Variants in HERC2 observed in about 807,000 individuals in gnomAD.
The protein encoded by HERC2 is HECT and RLD domain containing E3 ubiquitin protein ligase 2.
HERC2 carries 102 observed loss-of-function variants against 537.7 expected under a neutral mutation model. That is an observed-to-expected ratio of 0.19 (90% CI 0.16 to 0.22). The LOEUF is 0.22. Ranked by LOEUF, HERC2 falls within the 10% of genes least tolerant of loss-of-function variation. HERC2 has a pLI of 1.00. For missense variants in HERC2, 4,236 were observed against 6,198.2 expected (o/e 0.68, Z 10.63); for synonymous variants, 2,224 against 2,466.2 (o/e 0.90, Z 2.91).
At position 28,268,616 on chromosome 15, in the gene HERC2, C is replaced by T. The variant is rs1468443172; in HGVS notation, c.1447G>A (p.Ala483Thr). 1 of 1,612,822 alleles carries T rather than the reference C, an allele frequency of 6.2e-7. No homozygotes were observed. The highest frequency in any genetic ancestry group is 1.3e-5 in the African/African-American group (1 of 74,828). Reference protein sequence around the residue: ...YTQAYNSDTLAPQLVQGLASR... With the variant: ...YTQAYNSDTLTPQLVQGLASR... ...GCAAGGCCTTGGACCAGCTGTGGGG[C>T]CTAAAGAAGGAAAAATACGAAGAAA... Residue 483 changes from alanine to threonine, a missense_variant and splice_region_variant, in exon 12 of 93, where the codon GCC becomes ACC. This residue lies in a region of HERC2 where 491 missense variants were observed against 559.3 expected (regional missense o/e 0.88). Coordinates refer to ENST00000261609, the MANE Select transcript of HERC2 (RefSeq NM_004667.6). The surrounding 1 kb of genome is among the most constrained non-coding windows in gnomAD (Gnocchi z 4.7).
At chr15:28,255,509 T>A (rs2075229944) in intron 19 of HERC2, among the ~76,000 whole-genome samples, 1 of 152,068 alleles carries the variant, frequency 6.6e-6, no homozygotes, top group African/African-American at 2.4e-5. Context: ...AAAGAGTGCA[T>A]ACTATATAGT....
chr15:28,261,193 A>AT (rs2075405718), intron 15 of HERC2, among the ~76,000 whole-genome samples: 1 of 152,204 alleles, frequency 6.6e-6, no homozygotes, highest in African/African-American at 2.4e-5. Flanking sequence ...TACAAAGATC[A>AT]TAATACTAGG....
rs1329149117 is a variant in HERC2, at chr15:28,248,675, G to C, written c.3112C>G (p.Leu1038Val). ...KDVARRISSC[L>V]DFEQHSRERS... is the part of the protein sequence containing the mutation. ...TCACGACTGTGTTGCTCAAAGTCCAGACATGATGAAATCCGACGGGCAACA... is the reference window on the plus strand; with the variant it reads ...TCACGACTGTGTTGCTCAAAGTCCACACATGATGAAATCCGACGGGCAACA... The change falls in exon 21 of 93, where the codon CTG becomes GTG. Residue 1038 changes from leucine (L) to valine (V), a missense_variant. By Grantham distance (32) the Leu-to-Val change is conservative (BLOSUM62 1). Coordinates refer to ENST00000261609, the MANE Select transcript of HERC2 (RefSeq NM_004667.6). 3.7e-6 allele frequency: 6 copies of C among 1,613,896 alleles called. No homozygotes were observed. The highest frequency in any genetic ancestry group is 5.1e-6 in the Non-Finnish European group (6 of 1,179,884).
chr15:28,300,596 TA>T (rs1447011625), intron 2 of HERC2, among the ~76,000 whole-genome samples: 1 of 149,984 alleles, frequency 6.7e-6, no homozygotes, highest in Non-Finnish European at 1.5e-5. Context: ...CCAAGGCAGG[TA>T]AATCACTTGA....
Position 28,124,202 on chromosome 15 carries a change from G to A in HERC2, c.13023C>T (p.Ile4341=). 6.5e-7 allele frequency: 1 copy of A among 1,537,786 alleles called. No individual in the cohort carries two copies. The highest frequency in any genetic ancestry group is 8.8e-7 in the Non-Finnish European group (1 of 1,138,164). The change falls in exon 85 of 93, where the codon ATC becomes ATT. Residue 4341 remains isoleucine, a synonymous_variant. Coordinates refer to ENST00000261609, the MANE Select transcript of HERC2 (RefSeq NM_004667.6). ...VPMEYNHLQE[I]PIIALRNRLL... is the part of the protein sequence containing the mutation. ...GACGGTTCCTCAGCGCAATGATGGGGATCTCCTGCAGGTGATTGTACTCCA... is the reference window on the plus strand; with the variant it reads ...GACGGTTCCTCAGCGCAATGATGGGAATCTCCTGCAGGTGATTGTACTCCA...
chr15:28,129,493 A>G (rs1260628641), intron 83 of HERC2, among the ~76,000 whole-genome samples: 1 of 152,228 alleles, frequency 6.6e-6, no homozygotes, highest in Non-Finnish European at 1.5e-5. Flanking sequence ...AGCACAGAAC[A>G]TGTCGCTTGT....
chr15:28,236,973 A>G lies in HERC2; in HGVS notation c.3993T>C (p.Ile1331=). 1 of 1,611,876 alleles carries G rather than the reference A, an allele frequency of 6.2e-7. No individual in the cohort carries two copies. Among genetic ancestry groups the G allele is most frequent in the Non-Finnish European group, 8.5e-7 (1 of 1,179,726 alleles). ...CAAAGATTTTCTTACTGGCACATTC[A>G]ATCTCGACAGGAGACAGCGGTGTGC... is the stretch of plus-strand genomic sequence containing the variant. ...AMSTPLSPVE[I]ECAKWLQSSI... is the part of the protein sequence containing the mutation. Residue 1331 remains isoleucine, a synonymous_variant, in exon 26 of 93, where the codon ATT becomes ATC. Transcript: ENST00000261609.
At position 28,113,248 on chromosome 15, in the gene HERC2, G is replaced by C. The variant is rs1887847221; in HGVS notation, c.14055C>G (p.Leu4685=). Reference sequence around the variant, plus strand: ...TGCCTTTATAGGTGGCCACCGACTTGAGAAGGTGCAGCGGGATGTCAGGGC... The same window carrying C: ...TGCCTTTATAGGTGGCCACCGACTTCAGAAGGTGCAGCGGGATGTCAGGGC... ...CGSPDIPLHL[L]KSVATYKGIE... Residue 4685 remains leucine, a synonymous_variant, in exon 92 of 93, where the codon CTC becomes CTG. Transcript: ENST00000261609. This position sits in a 1 kb window ranked among gnomAD's most constrained non-coding sequence, Gnocchi z 7.0. 6.2e-7 allele frequency: 1 copy of C among 1,614,156 alleles called. No individual in the cohort carries two copies. The highest frequency in any genetic ancestry group is 2.2e-5 in the East Asian group (1 of 44,888).
chr15:28,239,406 A>AT (rs1902815677), intron 23 of HERC2, among the ~76,000 whole-genome samples: 1 of 152,048 alleles, frequency 6.6e-6, no homozygotes, highest in Non-Finnish European at 1.5e-5. Flanking sequence ...AAGTGCTAGG[A>AT]TACCAACTCA....
Position 28,268,370 on chromosome 15 carries a change from G to T in HERC2, c.1598+95C>A. 1 of 1,218,128 alleles carries T rather than the reference G, an allele frequency of 8.2e-7. No homozygotes were observed. The highest frequency in any genetic ancestry group is 1.2e-6 in the Non-Finnish European group (1 of 857,458). 75.5% of individuals were successfully genotyped at this position (1,218,128 alleles called of 1,614,324 possible). A position where few individuals can be genotyped will look rare whatever the true frequency, so the allele number is the denominator to read the frequency against. ...CCCAGCGCTACATGTCAGGGCAATT[G>T]GAAAACACCTGGACACACTTCTGCG... On this transcript the variant is annotated intron_variant, in intron 12 of 92. Coordinates refer to ENST00000261609, the MANE Select transcript of HERC2 (RefSeq NM_004667.6). The surrounding 1 kb of genome is among the most constrained non-coding windows in gnomAD (Gnocchi z 4.7).
At chr15:28,247,556 G>A (rs1903840765) in intron 21 of HERC2, among the ~76,000 whole-genome samples, 1 of 151,434 alleles carries the variant, frequency 6.6e-6, no homozygotes, top group South Asian at 2.1e-4. Flanking sequence ...AGCCTCCGGA[G>A]TAGCTGGGAT....
At chr15:28,126,579 C>T (rs930433569) in intron 83 of HERC2, among the ~76,000 whole-genome samples, 13 of 152,150 alleles carry the variant, frequency 8.5e-5, no homozygotes, top group Admixed American at 2.0e-4. Context: ...TTGCATTTGC[C>T]ACAACCTGGA....
rs1902095127 is a variant in HERC2 at position 28,233,478 on chromosome 15, C to T, written c.4435G>A (p.Asp1479Asn). ...KHRTLPKSVV[D>N]VCRVVYQAKC... Reference sequence around the variant, plus strand: ...GCTTGGTAGACAACTCTACAAACATCCACCACTGACTTAGGCAACGTTCTG... The same window carrying T: ...GCTTGGTAGACAACTCTACAAACATTCACCACTGACTTAGGCAACGTTCTG... Residue 1479 changes from aspartate (D) to asparagine (N), a missense_variant, in exon 29 of 93, where the codon GAT becomes AAT. Physicochemically the swap from Asp to Asn is conservative, Grantham distance 23 (BLOSUM62 1). Transcript: ENST00000261609. The T allele has an allele frequency of 4.8e-6, 7 of 1,453,900 alleles. No individual in the cohort carries two copies. Among genetic ancestry groups the T allele is most frequent in the Non-Finnish European group, 6.8e-6 (7 of 1,034,398 alleles). 90.1% of individuals were successfully genotyped at this position (1,453,900 alleles called of 1,614,324 possible).
chr15:28,195,532 C>A (rs986199739), intron 52 of HERC2, among the ~76,000 whole-genome samples: 6 of 152,206 alleles, frequency 3.9e-5, no homozygotes, highest in African/African-American at 1.2e-4. Flanking sequence ...CGTTCTGACA[C>A]ATGCTACAAT....
intron 2 of HERC2, among the ~76,000 whole-genome samples, chr15:28,304,354 C>A (rs2141231298): frequency 6.6e-6 from 1 of 150,888 alleles, no homozygotes; most frequent in East Asian, 1.9e-4. Context: ...ATTTGGATGC[C>A]CTTTATTTCT....
intron 43 of HERC2, among the ~76,000 whole-genome samples, chr15:28,212,163 G>A (rs1164294852): frequency 2.0e-5 from 3 of 152,198 alleles, no homozygotes; most frequent in Admixed American, 2.0e-4. Flanking sequence ...GAGGGAAGAG[G>A]TGAACACAGA....
intron 69 of HERC2, among the ~76,000 whole-genome samples, chr15:28,154,813 C>T (rs1214069693): frequency 1.3e-5 from 2 of 152,028 alleles, no homozygotes; most frequent in Non-Finnish European, 2.9e-5. Flanking sequence ...ATGTGCACAA[C>T]GTGCAGGTTT....
At chr15:28,124,299 C>A in intron 84 of HERC2, 65 bp from the exon 85 acceptor site, 1 of 1,111,890 alleles carries the variant, frequency 9.0e-7, no homozygotes, top group South Asian at 2.2e-5. Flanking sequence ...AGTGTGGCAT[C>A]CATTAAGGAT....
rs16950972 is a variant in HERC2, at chr15:28,274,123, G to A, written c.800+168C>T. On this transcript the variant is annotated intron_variant, in intron 7 of 92. Transcript: ENST00000261609. Reference sequence around the variant, plus strand: ...TAGTCAGAGTATCATAAATCAAATCGCCTGAAAAGCTGAGAACCCAGACCC... The same window carrying A: ...TAGTCAGAGTATCATAAATCAAATCACCTGAAAAGCTGAGAACCCAGACCC... Among the ~76,000 whole-genome samples the A allele has an allele frequency of 0.08, 12,181 of 152,110 alleles. 1,663 individuals are homozygous for A. The highest frequency in any genetic ancestry group is 0.28 in the African/African-American group (11,641 of 41,444).
Sources: allele counts gnomAD v4.1 joint callset (sites outside exome capture counted in the v4.1 genomes callset), GRCh38; gene constraint gnomAD v4.1.1; regional missense constraint gnomAD v4.1.1; non-coding constraint Gnocchi (gnomAD v3.1); transcripts MANE v1.5; gene names NCBI Gene and HGNC (gene_info 2026-07-23, HGNC 2026-07-21).